SNX8: variants seen among roughly 807,000 people sequenced by gnomAD.
SNX8 encodes the protein sorting nexin-8.
Under a neutral mutation model 51.6 loss-of-function variants are expected in SNX8, and 25 were observed. That is an observed-to-expected ratio of 0.48 (90% CI 0.35 to 0.68). The LOEUF is 0.68. Ranked by LOEUF, SNX8 falls within the 30% of genes least tolerant of loss-of-function variation. The probability of loss-of-function intolerance (pLI) is 0.00; values close to 1 mark genes in which losing one functional copy is unlikely to be tolerated. For missense variants in SNX8, 695 were observed against 624.0 expected (o/e 1.11, Z -1.21); for synonymous variants, 324 against 277.0 (o/e 1.17, Z -1.68).
At chr7:2,336,532 T>C (rs2115241292) in intron 1 of SNX8, among the ~76,000 whole-genome samples, 1 of 150,516 alleles carries the variant, frequency 6.6e-6, no homozygotes, top group South Asian at 2.1e-4. Flanking sequence ...CGCAGTGAAA[T>C]CCCTTCTCTA....
At chr7:2,306,273 G>A (rs543539832) in intron 1 of SNX8, among the ~76,000 whole-genome samples, 287 of 152,164 alleles carry the variant, frequency 1.9e-3, no homozygotes, top group African/African-American at 6.4e-3. Context: ...GATTACAGGC[G>A]CATGCCACCA....
intron 1 of SNX8, among the ~76,000 whole-genome samples, chr7:2,341,240 C>T (rs1213450199): frequency 6.6e-6 from 1 of 151,754 alleles, no homozygotes; most frequent in East Asian, 1.9e-4. Flanking sequence ...ATTGATCAGC[C>T]AGGTGCAGTG....
chr7:2,342,425 G>C (rs989456757), intron 1 of SNX8, among the ~76,000 whole-genome samples: 1 of 151,968 alleles, frequency 6.6e-6, no homozygotes, highest in South Asian at 2.1e-4. Flanking sequence ...GGGCTGAGGA[G>C]GGCGGATCAC....
intron 7 of SNX8, among the ~76,000 whole-genome samples, chr7:2,258,663 G>A (rs1455565072): frequency 1.3e-5 from 2 of 152,016 alleles, no homozygotes; most frequent in African/African-American, 4.8e-5. Flanking sequence ...GGGTAGGTAG[G>A]AGAGACAGCA....
intron 1 of SNX8, among the ~76,000 whole-genome samples, chr7:2,283,547 G>A (rs1427558516): frequency 6.6e-6 from 1 of 152,212 alleles, no homozygotes; most frequent in East Asian, 1.9e-4. Context: ...GTGGCAGGGA[G>A]GACCTGAATG....
At chr7:2,344,766 C>T (rs1000897986) in intron 1 of SNX8, among the ~76,000 whole-genome samples, 1 of 151,214 alleles carries the variant, frequency 6.6e-6, no homozygotes, top group Non-Finnish European at 1.5e-5. Flanking sequence ...ACCAACAACA[C>T]GAAAATTAGC....
intron 1 of SNX8, among the ~76,000 whole-genome samples, chr7:2,292,414 CTT>C (rs879512843): frequency 1.0e-4 from 15 of 143,716 alleles, no homozygotes; most frequent in Admixed American, 1.4e-4. Flanking sequence ...GCAAAGACTT[CTT>C]TTTTTTTTTT....
chr7:2,338,375 T>C (rs1323134333), intron 1 of SNX8, among the ~76,000 whole-genome samples: 1 of 150,250 alleles, frequency 6.7e-6, no homozygotes, highest in Non-Finnish European at 1.5e-5. Flanking sequence ...GGCAGGAGAA[T>C]GGCATGAACC....
At chr7:2,333,008 C>CCTATAGTCCCAACACTTTGGGAGG (rs1778767116) in intron 1 of SNX8, among the ~76,000 whole-genome samples, 1 of 152,094 alleles carries the variant, frequency 6.6e-6, no homozygotes, top group Non-Finnish European at 1.5e-5. Flanking sequence ...AGTGGCTACA[C>CCTATAGTCCCAACACTTTGGGAGG]CTATAGTCCC....
intron 1 of SNX8, among the ~76,000 whole-genome samples, chr7:2,311,659 C>G (rs548299462): frequency 5.3e-5 from 8 of 151,946 alleles, no homozygotes; most frequent in African/African-American, 1.9e-4. Context: ...CCTGCGAGGC[C>G]GGGCGCGGTG....
At chr7:2,319,980 AAAAC>A (rs538687476) in intron 1 of SNX8, among the ~76,000 whole-genome samples, 32 of 152,258 alleles carry the variant, frequency 2.1e-4, no homozygotes, top group Admixed American at 5.9e-4. Flanking sequence ...ACTACATCTC[AAAAC>A]AAACAAACAA....
At chr7:2,297,349 G>C (rs923029473) in intron 1 of SNX8, among the ~76,000 whole-genome samples, 3 of 151,320 alleles carry the variant, frequency 2.0e-5, no homozygotes, top group South Asian at 2.1e-4. Flanking sequence ...TCAGGAGTTC[G>C]AGACCAGCCT....
chr7:2,281,568 A>G (rs1343364290), intron 1 of SNX8, among the ~76,000 whole-genome samples: 1 of 152,140 alleles, frequency 6.6e-6, no homozygotes, highest in Admixed American at 6.6e-5. Context: ...TGGAACTTCA[A>G]TACTCTATCA....
intron 1 of SNX8, among the ~76,000 whole-genome samples, chr7:2,344,880 C>T (rs558679255): frequency 6.6e-6 from 1 of 152,144 alleles, no homozygotes; most frequent in African/African-American, 2.4e-5. Context: ...CTTTTAGATC[C>T]TTTTAATAAT....
At chr7:2,258,486 C>T (rs1157935115) in intron 7 of SNX8, among the ~76,000 whole-genome samples, 1 of 152,124 alleles carries the variant, frequency 6.6e-6, no homozygotes, top group Admixed American at 6.5e-5. Context: ...ACCCCTAAGG[C>T]TCCATCAAGC....
At position 2,300,412 on chromosome 7, in the gene SNX8, TTC is replaced by T. The variant is rs1485489585; in HGVS notation, c.94+13914_94+13915del. On this transcript the variant is annotated intron_variant, in intron 1 of 10. Coordinates refer to ENST00000222990, the MANE Select transcript of SNX8 (RefSeq NM_013321.4). ...TTTTCAGTAGACACGTTGCAAAGCT[TTC>T]TCTCTTTTTTTTGGAGACAGAGTCT... 7.2e-5 allele frequency among the ~76,000 whole-genome samples: 11 copies of T among 152,244 alleles called. No homozygotes were observed. In the East Asian group the frequency reaches 1.5e-3, roughly 21 times the overall value.
At chr7:2,258,743 C>T (rs1055683420) in intron 7 of SNX8, among the ~76,000 whole-genome samples, 15 of 152,196 alleles carry the variant, frequency 9.9e-5, no homozygotes, top group Non-Finnish European at 2.1e-4. Context: ...AGAAGCACCA[C>T]ACTCGGCGGT....
chr7:2,311,461 G>A (rs1161658716), intron 1 of SNX8, among the ~76,000 whole-genome samples: 4 of 152,116 alleles, frequency 2.6e-5, no homozygotes, highest in Admixed American at 6.6e-5. Context: ...GGGCTCGGGC[G>A]ATCCTCCCTC....
At chr7:2,285,314 G>A (rs912619174) in intron 1 of SNX8, among the ~76,000 whole-genome samples, 7 of 152,028 alleles carry the variant, frequency 4.6e-5, no homozygotes, top group South Asian at 4.1e-4. Flanking sequence ...GCTTGAACCC[G>A]GGAGGCAGAG....
Sources: gnomAD v4.1 joint callset for allele counts (sites outside exome capture counted in the v4.1 genomes callset) on GRCh38, gnomAD v4.1.1 for gene constraint, MANE v1.5 for transcripts, NCBI Gene and HGNC (gene_info 2026-07-23, HGNC 2026-07-21) for gene names.